Variants in SYNE3 observed in about 807,000 individuals in gnomAD.
SYNE3 encodes nesprin-3.
In SYNE3, 100 loss-of-function variants were observed where a neutral mutation model predicts 111.2. The observed-to-expected ratio is 0.90, with a 90% confidence interval of 0.77 to 1.06. The LOEUF (loss-of-function observed/expected upper bound fraction) is 1.06. SYNE3 is among the 50% of genes least tolerant of loss of function. SYNE3 has a pLI of 0.00. For missense variants in SYNE3, 1,160 were observed against 1,240.3 expected, an observed-to-expected ratio of 0.94 and a Z score of 0.97; for synonymous variants, 547 against 533.9, an observed-to-expected ratio of 1.02 and a Z score of -0.34.
intron 1 of SYNE3, among the ~76,000 whole-genome samples, chr14:95,492,275 A>T (rs796370142): frequency 1.1e-4 from 16 of 152,358 alleles, no homozygotes; most frequent in African/African-American, 3.8e-4. Flanking sequence ...ACTCTTACAT[A>T]TATACTCAAG....
Position 95,414,326 on chromosome 14 carries a change from G to T in SYNE3, c.*3500C>A, listed in dbSNP as rs1447377627. 1 of 152,238 alleles carries T rather than the reference G, an allele frequency of 6.6e-6. No individual in the cohort carries two copies. The highest frequency in any genetic ancestry group is 1.5e-5 in the Non-Finnish European group (1 of 68,064). The allele number at this position is 152,238 out of a possible 1,614,324, so 9.4% of individuals were successfully genotyped here. A position where few individuals can be genotyped will look rare whatever the true frequency, so the allele number is the denominator to read the frequency against. On this transcript the variant is annotated 3_prime_UTR_variant, in exon 18 of 18. Transcript: ENST00000682763. ...AAACAGTATCAAACCCTGGGGGCAG[G>T]TGTCGATGTGGGAATTACATAAAGC...
chr14:95,447,229 G>A (rs1211703001), intron 8 of SYNE3, among the ~76,000 whole-genome samples: 1 of 151,720 alleles, frequency 6.6e-6, no homozygotes, highest in African/African-American at 2.4e-5. Context: ...CACCTCCTGG[G>A]TTCACGCCAT....
At chr14:95,437,412 C>T (rs1308131401) in intron 14 of SYNE3, among the ~76,000 whole-genome samples, 1 of 152,238 alleles carries the variant, frequency 6.6e-6, no homozygotes, top group East Asian at 1.9e-4. Flanking sequence ...TCTTCCCTGT[C>T]CTCTGAGCCT....
chr14:95,421,037 T>C (rs989421430), intron 17 of SYNE3, among the ~76,000 whole-genome samples: 7 of 152,222 alleles, frequency 4.6e-5, no homozygotes, highest in Non-Finnish European at 4.4e-5. Flanking sequence ...CCCCTTTCAC[T>C]TGGCTCCCAT....
Position 95,446,043 on chromosome 14 carries a change from G to A in SYNE3, c.1498C>T (p.Gln500Ter), listed in dbSNP as rs1180568323. ...CCAATCAGGAGGTCTTTCTTCAGCT[G>A]CAGCATCGTCAGCAGCTCTTTCAGG... is the stretch of plus-strand genomic sequence containing the variant. ...SRLKELLTML[Q>*]LKKDLLIGIF... Residue 500 changes from glutamine to a stop codon, truncating the protein, a stop_gained, in exon 9 of 18, where the codon CAG (glutamine) becomes TAG (stop). Transcript: ENST00000682763. LOFTEE classifies it high-confidence loss of function. The A allele has an allele frequency of 6.2e-7, 1 of 1,614,136 alleles. No homozygotes were observed. Among genetic ancestry groups the A allele is most frequent in the Non-Finnish European group, 8.5e-7 (1 of 1,180,032 alleles).
At chr14:95,482,904 T>C (rs1326277639) in intron 1 of SYNE3, among the ~76,000 whole-genome samples, 1 of 152,222 alleles carries the variant, frequency 6.6e-6, no homozygotes, top group Non-Finnish European at 1.5e-5. Flanking sequence ...GGATGCTAAG[T>C]AGCAGAGGCA....
intron 4 of SYNE3, among the ~76,000 whole-genome samples, chr14:95,464,270 A>C (rs1888022594): frequency 6.6e-6 from 1 of 152,144 alleles, no homozygotes; most frequent in Admixed American, 6.5e-5. Context: ...CCAGAAGTAA[A>C]GATGCCCGGG....
chr14:95,442,624 C>T (rs918212464), intron 11 of SYNE3, among the ~76,000 whole-genome samples: 5 of 152,152 alleles, frequency 3.3e-5, no homozygotes, highest in Non-Finnish European at 7.4e-5. Context: ...TTTGAAGGAG[C>T]TTTGAGTTCC....
chr14:95,452,256 T>C lies in SYNE3; in HGVS notation c.1265A>G (p.Glu422Gly). Residue 422 changes from glutamate to glycine, a missense_variant, in exon 7 of 18, where the codon GAG becomes GGG. Transcript: ENST00000682763. ...LSDSVIATIQ[E>G]YQSLKVKSAR... is the part of the protein sequence containing the mutation. ...TGGCCTTCCCAGATACCTCTGATAC[T>C]CCTGGATGGTAGCGATGACACTATC... 6.2e-7 allele frequency: 1 copy of C among 1,609,436 alleles called. No individual in the cohort carries two copies. The highest frequency in any genetic ancestry group is 8.5e-7 in the Non-Finnish European group (1 of 1,176,706).
chr14:95,439,615 A>T lies in SYNE3; in HGVS notation c.2243T>A (p.Leu748Gln). 3.1e-6 allele frequency: 5 copies of T among 1,608,908 alleles called. No individual in the cohort carries two copies. Among genetic ancestry groups the T allele is most frequent in the Non-Finnish European group, 4.2e-6 (5 of 1,179,986 alleles). The change falls in exon 13 of 18, where the codon CTG becomes CAG. Residue 748 changes from leucine (L) to glutamine (Q), a missense_variant. Physicochemically the swap from Leu to Gln is moderately radical, Grantham distance 113 (BLOSUM62 -2). Transcript: ENST00000682763. Reference protein sequence around the residue: ...RALRLLEESLLSLIRNWHLQR... With the variant: ...RALRLLEESLQSLIRNWHLQR... Reference sequence around the variant, plus strand: ...AGAGCCTAGGAGGCACTCTCACCTCAGCAGACTTTCTTCCAGCAGCCTCAA... The same window carrying T: ...AGAGCCTAGGAGGCACTCTCACCTCTGCAGACTTTCTTCCAGCAGCCTCAA...
intron 2 of SYNE3, among the ~76,000 whole-genome samples, chr14:95,474,214 C>T (rs1888736222): frequency 6.6e-6 from 1 of 152,208 alleles, no homozygotes; most frequent in African/African-American, 2.4e-5. Context: ...GAGAGTGGTG[C>T]AGATAGTGGG....
At chr14:95,469,032 C>T (rs1435596879) in intron 2 of SYNE3, among the ~76,000 whole-genome samples, 1 of 152,150 alleles carries the variant, frequency 6.6e-6, no homozygotes, top group African/African-American at 2.4e-5. Context: ...TAGGGAGAGC[C>T]ATGAGCACGC....
intron 17 of SYNE3, among the ~76,000 whole-genome samples, chr14:95,422,478 G>T (rs1220193567): frequency 2.0e-5 from 3 of 152,130 alleles, no homozygotes; most frequent in Non-Finnish European, 2.9e-5. Context: ...TATCCCACGT[G>T]GCATTTCTCA....
chr14:95,431,351 T>C (rs1346162818), intron 17 of SYNE3, among the ~76,000 whole-genome samples: 1 of 152,152 alleles, frequency 6.6e-6, no homozygotes, highest in Non-Finnish European at 1.5e-5. Context: ...GGCTTGCCCC[T>C]TCTGTTTCCT....
chr14:95,450,428 A>T, intron 7 of SYNE3: 1 of 272,580 alleles, frequency 3.7e-6, no homozygotes, highest in Non-Finnish European at 6.9e-6. Context: ...TAGTCCCAGC[A>T]CTTTGGGAGG....
In SYNE3 at chr14:95,411,756, C is replaced by G. The variant is rs1443933145; in HGVS notation, c.*6070G>C. On this transcript the variant is annotated 3_prime_UTR_variant, in exon 18 of 18. Transcript: ENST00000682763. Reference sequence around the variant, plus strand: ...GGAAGCCGCTGGCATCATAGGGTGACAGCCACAGGCACAGCCTCCCTGGGG... The same window carrying G: ...GGAAGCCGCTGGCATCATAGGGTGAGAGCCACAGGCACAGCCTCCCTGGGG... 1 of 133,394 alleles carries G rather than the reference C, an allele frequency of 7.5e-6. No homozygotes were observed. Among genetic ancestry groups the G allele is most frequent in the African/African-American group, 2.8e-5 (1 of 36,000 alleles). 8.3% of individuals were successfully genotyped at this position (133,394 alleles called of 1,614,324 possible). A position where few individuals can be genotyped will look rare whatever the true frequency, so the allele number is the denominator to read the frequency against.
rs572822876 is a variant in SYNE3 at position 95,505,197 on chromosome 14, G to A, written c.-15+11399C>T. 3.6e-4 allele frequency among the ~76,000 whole-genome samples: 55 copies of A among 152,378 alleles called. No individual in the cohort carries two copies. In the East Asian group the frequency reaches 6.4e-3, roughly 18 times the overall value. On this transcript the variant is annotated intron_variant, in intron 1 of 17. Coordinates refer to ENST00000682763, the MANE Select transcript of SYNE3 (RefSeq NM_152592.6). ...CTAACGTTGCATTCGCTGAGTTTAC[G>A]CGGCAGCGCTGAACCCCGGGAAATG...
chr14:95,475,667 C>A lies in SYNE3; in HGVS notation c.144+11G>T, dbSNP rs1223992334. 1.3e-6 allele frequency: 2 copies of A among 1,531,308 alleles called. No individual in the cohort carries two copies. The highest frequency in any genetic ancestry group is 1.7e-6 in the Non-Finnish European group (2 of 1,143,948). 94.9% of individuals were successfully genotyped at this position (1,531,308 alleles called of 1,614,324 possible). A position where few individuals can be genotyped will look rare whatever the true frequency, so the allele number is the denominator to read the frequency against. ...GACCACAGGGCCATCTGAGGCCACG[C>A]CTCTGCATACCTCGGTCTCCCACAG... is the stretch of plus-strand genomic sequence containing the variant. On this transcript the variant is annotated intron_variant, in intron 2 of 17. Coordinates refer to ENST00000682763, the MANE Select transcript of SYNE3 (RefSeq NM_152592.6).
chr14:95,482,743 G>C (rs764354432), intron 1 of SYNE3, among the ~76,000 whole-genome samples: 2 of 152,164 alleles, frequency 1.3e-5, no homozygotes, highest in Non-Finnish European at 2.9e-5. Context: ...ACATTTACCC[G>C]GTGTTCTGCA....
Sources: allele counts gnomAD v4.1 joint callset (sites outside exome capture counted in the v4.1 genomes callset), GRCh38; gene constraint gnomAD v4.1.1; transcripts MANE v1.5; gene names NCBI Gene and HGNC (gene_info 2026-07-23, HGNC 2026-07-21).